The following WWOX variants were observed in gnomAD, a reference collection of about 807,000 sequenced individuals.
WWOX encodes the protein WW domain-containing oxidoreductase.
WWOX carries 69 observed loss-of-function variants against 46.2 expected under a neutral mutation model. That is an observed-to-expected ratio of 1.49 (90% confidence interval 1.23 to 1.82). The LOEUF is 1.82. WWOX is among the 40% of genes most tolerant of loss of function. The pLI, the probability that WWOX is intolerant of heterozygous loss-of-function variation, is 0.00. For synonymous variants in WWOX, 359 were observed against 202.6 expected, an observed-to-expected ratio of 1.77 and a Z score of -6.56; for missense variants, 919 against 542.6, an observed-to-expected ratio of 1.69 and a Z score of -6.89.
At chr16:78,751,584 A>G (rs559393079) in intron 8 of WWOX, among the ~76,000 whole-genome samples, 23 of 151,430 alleles carry the variant, frequency 1.5e-4, no homozygotes, top group South Asian at 4.2e-4. Context: ...TAAAAATAAC[A>G]AAACATTCTT....
chr16:79,207,218 T>C (rs2051544843), intron 8 of WWOX, among the ~76,000 whole-genome samples: 1 of 152,222 alleles, frequency 6.6e-6, no homozygotes, highest in African/African-American at 2.4e-5. Flanking sequence ...CCTAGTGGTG[T>C]ATTCACAGAG....
chr16:78,621,324 C>G (rs1466669060), intron 8 of WWOX, among the ~76,000 whole-genome samples: 1 of 152,030 alleles, frequency 6.6e-6, no homozygotes, highest in Non-Finnish European at 1.5e-5. Flanking sequence ...CTTCTAACCC[C>G]CTACTCACCA....
At chr16:78,892,584 G>C (rs1003152577) in intron 8 of WWOX, among the ~76,000 whole-genome samples, 1 of 152,158 alleles carries the variant, frequency 6.6e-6, no homozygotes, top group Admixed American at 6.5e-5. Flanking sequence ...ATCCAAAGCA[G>C]CTCCACTTTT....
At chr16:78,426,467 T>G (rs1039189296) in intron 7 of WWOX, among the ~76,000 whole-genome samples, 1 of 152,212 alleles carries the variant, frequency 6.6e-6, no homozygotes, top group Non-Finnish European at 1.5e-5. Flanking sequence ...TACGGTGTAA[T>G]TCATGCCTAC....
At chr16:79,112,707 C>T (rs759373950) in intron 8 of WWOX, among the ~76,000 whole-genome samples, 31 of 152,078 alleles carry the variant, frequency 2.0e-4, no homozygotes, top group Non-Finnish European at 4.4e-4. Flanking sequence ...TATTCATAGT[C>T]GTAAAGTTTA....
At chr16:78,706,714 A>T (rs929236254) in intron 8 of WWOX, among the ~76,000 whole-genome samples, 1 of 152,014 alleles carries the variant, frequency 6.6e-6, no homozygotes, top group Non-Finnish European at 1.5e-5. Flanking sequence ...TTCCCTTTTG[A>T]CCTGTGGGTA....
rs563099438 is a variant in WWOX at position 78,341,222 on chromosome 16, A to T, written c.517-45638A>T. Among the ~76,000 whole-genome samples, 6 of 102,866 alleles carry T rather than the reference A, an allele frequency of 5.8e-5. 1 individual carries two copies. The highest frequency in any genetic ancestry group is 4.2e-3 in the Middle Eastern group (1 of 238). The allele number at this position is 102,866 out of a possible 152,430, so 67.5% of individuals were successfully genotyped here. On this transcript the variant is annotated intron_variant, in intron 5 of 8. Coordinates refer to ENST00000566780, the MANE Select transcript of WWOX (RefSeq NM_016373.4). ...TCATTTTGTTTCCCAGGCTGGTCTC[A>T]CTGTAATTCCTGGGCTCAAGTTACC...
intron 8 of WWOX, among the ~76,000 whole-genome samples, chr16:79,163,811 A>C (rs925668136): frequency 8.4e-6 from 1 of 118,962 alleles, no homozygotes; most frequent in South Asian, 3.4e-4. Context: ...AAAAAAAAAA[A>C]AAAAAAGAGA....
At chr16:78,914,880 G>A (rs866002239) in intron 8 of WWOX, among the ~76,000 whole-genome samples, 7,181 of 69,862 alleles carry the variant, frequency 0.1, 927 homozygotes, top group Non-Finnish European at 0.14. Flanking sequence ...CTCCGCCTCA[G>A]AAAAAAAAAA....
At chr16:78,867,896 G>C in intron 8 of WWOX, among the ~76,000 whole-genome samples, 1 of 152,164 alleles carries the variant, frequency 6.6e-6, no homozygotes, top group East Asian at 1.9e-4. Context: ...CCCAAGAGTT[G>C]TGAAAATGTG....
At chr16:78,889,165 A>G (rs943200914) in intron 8 of WWOX, among the ~76,000 whole-genome samples, 1 of 152,182 alleles carries the variant, frequency 6.6e-6, no homozygotes, top group East Asian at 1.9e-4. Flanking sequence ...TAATAAGATG[A>G]TAAGGATTCG....
At chr16:78,235,373 C>T (rs187944288) in intron 5 of WWOX, among the ~76,000 whole-genome samples, 33 of 152,202 alleles carry the variant, frequency 2.2e-4, no homozygotes, top group African/African-American at 7.9e-4. Context: ...GCCAGGCCGG[C>T]TCATCTGACC....
At chr16:78,691,124 C>G in intron 8 of WWOX, 52 of 638,736 alleles carry the variant, frequency 8.1e-5, no homozygotes, top group East Asian at 1.4e-4. Flanking sequence ...GTCGTTATTG[C>G]TTTAGAAGTT....
chr16:78,313,710 C>T (rs899501310), intron 5 of WWOX, among the ~76,000 whole-genome samples: 8 of 152,132 alleles, frequency 5.3e-5, no homozygotes, highest in African/African-American at 1.9e-4. Flanking sequence ...TCTTCTCTGT[C>T]GATGTCCCTG....
intron 8 of WWOX, among the ~76,000 whole-genome samples, chr16:78,842,406 G>A (rs551061689): frequency 6.6e-6 from 1 of 152,118 alleles, no homozygotes; most frequent in East Asian, 1.9e-4. Context: ...GGGAGGCCAA[G>A]ATGGGAGAAT....
intron 8 of WWOX, among the ~76,000 whole-genome samples, chr16:79,137,582 G>A (rs1360272546): frequency 6.6e-6 from 1 of 152,144 alleles, no homozygotes; most frequent in Non-Finnish European, 1.5e-5. Flanking sequence ...TCTGTTAGCT[G>A]TTTGTTTTGA....
At chr16:78,691,757 C>T (rs1167197326) in intron 8 of WWOX, among the ~76,000 whole-genome samples, 1 of 152,076 alleles carries the variant, frequency 6.6e-6, no homozygotes, top group African/African-American at 2.4e-5. Flanking sequence ...CTTGCAGTAT[C>T]CCTGTAGGAG....
chr16:78,545,955 C>T (rs1300171309), intron 8 of WWOX, among the ~76,000 whole-genome samples: 1 of 152,116 alleles, frequency 6.6e-6, no homozygotes, highest in African/African-American at 2.4e-5. Flanking sequence ...CTTTCAAAGG[C>T]TTTGTCTTGA....
chr16:78,287,912 T>A (rs2079796188), intron 5 of WWOX, among the ~76,000 whole-genome samples: 1 of 152,198 alleles, frequency 6.6e-6, no homozygotes. Context: ...CTTTCTTTCC[T>A]GAGTTTGAGC....
Sources: gnomAD v4.1 joint callset for allele counts (sites outside exome capture counted in the v4.1 genomes callset) on GRCh38, gnomAD v4.1.1 for gene constraint, MANE v1.5 for transcripts, NCBI Gene and HGNC (gene_info 2026-07-23, HGNC 2026-07-21) for gene names.